Variants in CD99 observed in about 807,000 individuals in gnomAD.
CD99 encodes CD99 molecule (Xg blood group).
In CD99, 19 loss-of-function variants were observed where a neutral mutation model predicts 28.4. That is an observed-to-expected ratio of 0.67 (90% CI 0.47 to 0.98). The LOEUF (loss-of-function observed/expected upper bound fraction) is 0.98, where lower values mean the gene tolerates loss of function less well. CD99 is among the 50% of genes least tolerant of loss of function. CD99 has a pLI of 0.00. For synonymous variants in CD99, 103 were observed against 92.1 expected (o/e 1.12, Z -0.67); for missense variants, 283 against 248.8 (o/e 1.14, Z -0.92).
intron 1 of CD99, 93 bp from the exon 2 acceptor site, chrX:2,714,329 A>G (rs2048581857): frequency 2.8e-6 from 3 of 1,076,204 alleles, no homozygotes; most frequent in Non-Finnish European, 4.1e-6. Flanking sequence ...AAATATCACA[A>G]AAAGAAAAAT....
intron 1 of CD99, among the ~76,000 whole-genome samples, chrX:2,712,308 G>A (rs1225770416): frequency 1.3e-5 from 2 of 152,068 alleles, no homozygotes; most frequent in African/African-American, 4.8e-5. Flanking sequence ...GGGGTCTACT[G>A]TACTCAGGGT....
chrX:2,703,587 TAAC>T lies in CD99; in HGVS notation c.68-10832_68-10830del, dbSNP rs199938412. ...CTGCTTTGAATAACAAAGCTGTAAT[TAAC>T]AAACCGAGCTGTTAAGTGTGTGTGT... On this transcript the variant is annotated intron_variant, in intron 1 of 9. Transcript: ENST00000381192. Among the ~76,000 whole-genome samples, 1,278 of 150,006 alleles carry T rather than the reference TAAC, an allele frequency of 8.5e-3. 88 individuals are homozygous for T. The East Asian group carries it at 0.17, about 20-fold the overall frequency.
intron 7 of CD99, among the ~76,000 whole-genome samples, chrX:2,725,639 T>G (rs1234053162): frequency 6.6e-6 from 1 of 152,104 alleles, no homozygotes; most frequent in African/African-American, 2.4e-5. Context: ...TTTGAGATGG[T>G]GAATTGCTCT....
chrX:2,709,667 C>T (rs749846640), intron 1 of CD99, among the ~76,000 whole-genome samples: 1 of 152,380 alleles, frequency 6.6e-6, no homozygotes, highest in Admixed American at 6.5e-5. Flanking sequence ...CACATGTACA[C>T]ATGAGCACAT....
intron 8 of CD99, chrX:2,737,881 A>T (rs1313263952): frequency 1.9e-6 from 1 of 527,108 alleles, no homozygotes; most frequent in Non-Finnish European, 3.5e-6. Flanking sequence ...TTTTTTATAG[A>T]AAGAGCTTCC....
In CD99 at chrX:2,692,456, G is replaced by A. The variant is rs143442825; in HGVS notation, c.67+1029G>A. ...AGGATCTAGCTCAGCCTAGAGCTGC[G>A]GTGACTAGGCCGGGTCTCTATTTTT... On this transcript the variant is annotated intron_variant, in intron 1 of 9. Coordinates refer to ENST00000381192, the MANE Select transcript of CD99 (RefSeq NM_002414.5). 4.5e-3 allele frequency among the ~76,000 whole-genome samples: 682 copies of A among 152,288 alleles called. 8 individuals are homozygous for A. Among genetic ancestry groups the A allele is most frequent in the African/African-American group, 0.016 (657 of 41,560 alleles).
rs757846142 is a variant in CD99, at chrX:2,726,348, A to C, written c.450A>C (p.Lys150Asn). 3.1e-6 allele frequency: 5 copies of C among 1,610,156 alleles called. No individual in the cohort carries two copies. In the East Asian group the frequency reaches 1.1e-4, roughly 36 times the overall value. The change falls in exon 8 of 10, where the codon AAA becomes AAC. Residue 150 changes from lysine (K) to asparagine (N), a missense_variant. By Grantham distance (94) the Lys-to-Asn change is moderately conservative. Transcript: ENST00000381192. ...TCTCTAGCTTCATTGCTTACCAGAAAAAGAAGCTATGCTTCAAAGAAAATG... is the reference window on the plus strand; with the variant it reads ...TCTCTAGCTTCATTGCTTACCAGAACAAGAAGCTATGCTTCAAAGAAAATG... ...GAISSFIAYQ[K>N]KKLCFKENAE...
At chrX:2,711,768 G>A (rs970389156) in intron 1 of CD99, among the ~76,000 whole-genome samples, 6 of 148,366 alleles carry the variant, frequency 4.0e-5, no homozygotes, top group Admixed American at 2.0e-4. Flanking sequence ...GGCTGGGTGC[G>A]GTGGCTCATG....
At chrX:2,737,939 T>C in intron 8 of CD99, 3 of 685,418 alleles carry the variant, frequency 4.4e-6, no homozygotes, top group Non-Finnish European at 8.2e-6. Context: ...ACCCTTAAAA[T>C]AGAGGAAAAT....
intron 1 of CD99, among the ~76,000 whole-genome samples, chrX:2,710,148 G>T (rs773955827): frequency 1.4e-5 from 2 of 138,304 alleles, no homozygotes; most frequent in Admixed American, 1.5e-4. Context: ...GGAGTGCAGG[G>T]TGTGGGGTGG....
chrX:2,730,018 C>T (rs764061714), intron 8 of CD99, among the ~76,000 whole-genome samples: 1 of 151,942 alleles, frequency 6.6e-6, no homozygotes, highest in African/African-American at 2.4e-5. Flanking sequence ...GCTGGGCGTG[C>T]TTGCGCCTGC....
chrX:2,713,020 A>C (rs958852673), intron 1 of CD99, among the ~76,000 whole-genome samples: 1 of 151,750 alleles, frequency 6.6e-6, no homozygotes, highest in African/African-American at 2.4e-5. Context: ...AGGCACAAAC[A>C]CACAAATGCA....
chrX:2,703,855 T>C (rs749214827), intron 1 of CD99, among the ~76,000 whole-genome samples: 1 of 152,084 alleles, frequency 6.6e-6, no homozygotes, highest in South Asian at 2.1e-4. Context: ...CACGTTAGCC[T>C]TGGGGGGTGA....
At chrX:2,720,551 C>G (rs2048943270) in intron 5 of CD99, 127 bp downstream of exon 5, 1 of 717,480 alleles carries the variant, frequency 1.4e-6, no homozygotes, top group African/African-American at 1.8e-5. Flanking sequence ...AGTGTAATGC[C>G]CATGTTCATG....
intron 1 of CD99, among the ~76,000 whole-genome samples, chrX:2,702,917 G>A (rs1004994161): frequency 1.6e-4 from 25 of 152,234 alleles, no homozygotes; most frequent in African/African-American, 6.0e-4. Flanking sequence ...GAGTAGCTGG[G>A]ATTACAGGCA....
intron 1 of CD99, among the ~76,000 whole-genome samples, chrX:2,697,510 T>C (rs966477731): frequency 6.6e-6 from 1 of 152,116 alleles, no homozygotes; most frequent in African/African-American, 2.4e-5. Context: ...TTGTTTCTGC[T>C]TTGCCTGACC....
chrX:2,722,612 T>C lies in CD99; in HGVS notation c.263-15T>C. 6.2e-7 allele frequency: 1 copy of C among 1,613,766 alleles called. No individual in the cohort carries two copies. Among genetic ancestry groups the C allele is most frequent in the East Asian group, 2.2e-5 (1 of 44,890 alleles). On this transcript the variant is annotated splice_polypyrimidine_tract_variant and intron_variant, in intron 5 of 9. Transcript: ENST00000381192. The stretch of plus-strand genomic sequence containing the variant: ...AGTTCCAGGTTGACAGGTGATGCTG[T>C]ATTTTCTTTCCTAGGTAGCTTTTCA...
chrX:2,692,866 G>T (rs1207910804), intron 1 of CD99, among the ~76,000 whole-genome samples: 1 of 152,208 alleles, frequency 6.6e-6, no homozygotes, highest in Non-Finnish European at 1.5e-5. Flanking sequence ...ATCCAAGGGA[G>T]TGCTGGTGGC....
chrX:2,725,602 CTCTCTT>C (rs2049236432), intron 7 of CD99, among the ~76,000 whole-genome samples: 1 of 151,914 alleles, frequency 6.6e-6, no homozygotes, highest in Non-Finnish European at 1.5e-5. Flanking sequence ...ATGTCCAGCT[CTCTCTT>C]TCTTTTTTGT....
Sources: gnomAD v4.1 joint callset for allele counts (sites outside exome capture counted in the v4.1 genomes callset) on GRCh38, gnomAD v4.1.1 for gene constraint, MANE v1.5 for transcripts, NCBI Gene and HGNC (gene_info 2026-07-23, HGNC 2026-07-21) for gene names.